The following JCAD variants were observed in gnomAD, a reference collection of about 807,000 sequenced individuals.
JCAD encodes junctional cadherin 5 associated, also known as junctional cadherin 5-associated protein.
Under a neutral mutation model 98.0 loss-of-function variants are expected in JCAD, and 40 were observed. The observed-to-expected ratio is 0.41, with a 90% CI of 0.32 to 0.53. The LOEUF is 0.53. Ranked by LOEUF, JCAD falls within the 20% of genes least tolerant of loss-of-function variation. The pLI is 0.31. For synonymous variants in JCAD, 691 were observed against 682.3 expected (o/e 1.01, Z -0.20); for missense variants, 1,705 against 1,738.1 (o/e 0.98, Z 0.34).
chr10:30,018,438 C>T (rs1220230761), intron 3 of JCAD, among the ~76,000 whole-genome samples: 1 of 152,102 alleles, frequency 6.6e-6, no homozygotes, highest in East Asian at 1.9e-4. Flanking sequence ...TTCTGTCTCT[C>T]ATCACCACTG....
At chr10:30,098,204 T>C (rs1838408600) in intron 1 of JCAD, among the ~76,000 whole-genome samples, 1 of 152,202 alleles carries the variant, frequency 6.6e-6, no homozygotes, top group African/African-American at 2.4e-5. Context: ...TCAGTTTATA[T>C]GACTTCTCCT....
intron 3 of JCAD, among the ~76,000 whole-genome samples, chr10:30,018,888 T>C (rs528770978): frequency 6.6e-5 from 10 of 152,304 alleles, no homozygotes; most frequent in Admixed American, 6.5e-4. Flanking sequence ...AACTACCATA[T>C]GATCCAGCAA....
intron 1 of JCAD, among the ~76,000 whole-genome samples, chr10:30,076,800 G>T (rs1837989005): frequency 6.6e-6 from 1 of 152,206 alleles, no homozygotes; most frequent in African/African-American, 2.4e-5. Flanking sequence ...ATGAAAGTCA[G>T]CATGAAAGCA....
intron 1 of JCAD, among the ~76,000 whole-genome samples, chr10:30,106,201 T>A (rs1039297641): frequency 1.4e-4 from 21 of 152,000 alleles, no homozygotes; most frequent in African/African-American, 4.8e-4. Context: ...GATGGGAGGA[T>A]CACTTGATGC....
At position 30,029,889 on chromosome 10, in the gene JCAD, C is replaced by T. The variant is rs778694634; in HGVS notation, c.282-23G>A. ...AACCTACAAAACAAAGAGTCACAGA[C>T]GTTAGGCACAGAAGAAACATGTCTT... On this transcript the variant is annotated intron_variant, in intron 2 of 3. Coordinates refer to ENST00000375377, the MANE Select transcript of JCAD (RefSeq NM_020848.4). 65 of 1,596,926 alleles carry T rather than the reference C, an allele frequency of 4.1e-5. No individual in the cohort carries two copies. The Admixed American group carries it at 5.6e-4, about 14-fold the overall frequency.
intron 3 of JCAD, among the ~76,000 whole-genome samples, chr10:30,018,525 G>A (rs1034690266): frequency 3.9e-5 from 6 of 152,096 alleles, no homozygotes; most frequent in African/African-American, 4.8e-5. Flanking sequence ...AGGTATGTAC[G>A]AGTCTGGCCC....
chr10:30,029,021 G>A lies in JCAD; in HGVS notation c.1127C>T (p.Pro376Leu), dbSNP rs576082696. ...VCGGHSQQQS[P>L]TEKAGASGQP... Reference sequence around the variant, plus strand: ...ACCGCTGGCCCCAGCCTTCTCGGTCGGAGACTGCTGTTGACTGTGACCGCC... The same window carrying A: ...ACCGCTGGCCCCAGCCTTCTCGGTCAGAGACTGCTGTTGACTGTGACCGCC... Residue 376 changes from proline to leucine, a missense_variant, in exon 3 of 4, where the codon CCG becomes CTG. By Grantham distance (98) the Pro-to-Leu change is moderately conservative. Transcript: ENST00000375377. 68 of 1,614,100 alleles carry A rather than the reference G, an allele frequency of 4.2e-5. No individual in the cohort carries two copies. The African/African-American group carries it at 5.9e-4, about 14-fold the overall frequency.
intron 1 of JCAD, among the ~76,000 whole-genome samples, chr10:30,112,329 A>G (rs1166442799): frequency 6.6e-6 from 1 of 151,772 alleles, no homozygotes; most frequent in Non-Finnish European, 1.5e-5. Context: ...TAAAAAAAAA[A>G]TTAGCTGGGT....
chr10:30,110,318 C>T (rs1003061006), intron 1 of JCAD, among the ~76,000 whole-genome samples: 1 of 151,558 alleles, frequency 6.6e-6, no homozygotes, highest in Admixed American at 6.6e-5. Context: ...TGTATTGGCT[C>T]ACTGATGCAT....
chr10:30,051,866 G>C (rs923981049), intron 1 of JCAD, among the ~76,000 whole-genome samples: 6 of 152,210 alleles, frequency 3.9e-5, no homozygotes, highest in Non-Finnish European at 7.3e-5. Flanking sequence ...CGAGGATAAT[G>C]ATCATTCCAT....
intron 1 of JCAD, among the ~76,000 whole-genome samples, chr10:30,082,872 A>C (rs1359003900): frequency 2.0e-4 from 30 of 149,410 alleles, no homozygotes; most frequent in Admixed American, 2.7e-4. Flanking sequence ...AAAAAAAAAA[A>C]AAAAACAAAA....
intron 1 of JCAD, among the ~76,000 whole-genome samples, chr10:30,096,544 T>A (rs1052229565): frequency 6.6e-6 from 1 of 152,144 alleles, no homozygotes; most frequent in African/African-American, 2.4e-5. Flanking sequence ...CTGAAGTATC[T>A]TCGATCTGTA....
rs1402076323 is a variant in JCAD at position 30,017,715 on chromosome 10, T to C, written c.*168A>G. The C allele has an allele frequency of 2.9e-6, 2 of 679,634 alleles. No individual in the cohort carries two copies. Among genetic ancestry groups the C allele is most frequent in the African/African-American group, 3.6e-5 (2 of 54,956 alleles). 42.1% of individuals were successfully genotyped at this position (679,634 alleles called of 1,614,324 possible). A position where few individuals can be genotyped will look rare whatever the true frequency, so the allele number is the denominator to read the frequency against. On this transcript the variant is annotated 3_prime_UTR_variant, in exon 4 of 4. Transcript: ENST00000375377. ...TTGCTTTATCGCCACAAAGCAATTC[T>C]GAGAGGATGGCAAGTTTCCTAGTGG...
intron 2 of JCAD, among the ~76,000 whole-genome samples, chr10:30,043,012 T>C (rs115261453): frequency 1.3e-5 from 2 of 152,242 alleles, no homozygotes; most frequent in African/African-American, 4.8e-5. Context: ...AAACAATTAC[T>C]GTCTACTCAT....
At chr10:30,108,481 AT>A (rs1357318448) in intron 1 of JCAD, among the ~76,000 whole-genome samples, 4 of 152,182 alleles carry the variant, frequency 2.6e-5, no homozygotes, top group Admixed American at 1.3e-4. Flanking sequence ...GGCGACGAGA[AT>A]TTTATCAGAA....
At chr10:30,092,486 C>T (rs999631121) in intron 1 of JCAD, among the ~76,000 whole-genome samples, 3 of 152,116 alleles carry the variant, frequency 2.0e-5, no homozygotes, top group African/African-American at 7.2e-5. Context: ...CAGAAGCTAG[C>T]AGGCCAATGC....
At chr10:30,063,781 A>T (rs1564460322), upstream of JCAD, among the ~76,000 whole-genome samples, 1 of 151,936 alleles carries the variant, frequency 6.6e-6, no homozygotes, top group East Asian at 1.9e-4. Context: ...TTGAAACTTA[A>T]TCCCCAATGT....
At chr10:30,079,875 G>A (rs984600518) in intron 1 of JCAD, among the ~76,000 whole-genome samples, 24 of 152,108 alleles carry the variant, frequency 1.6e-4, no homozygotes, top group African/African-American at 5.8e-4. Flanking sequence ...AAATAATTTA[G>A]GTCAGGCCTC....
At chr10:30,050,690 G>A (rs1837450282) in intron 1 of JCAD, among the ~76,000 whole-genome samples, 1 of 152,146 alleles carries the variant, frequency 6.6e-6, no homozygotes, top group Non-Finnish European at 1.5e-5. Context: ...GGTCCAATAT[G>A]GTTATGTGTT....
Sources: allele counts gnomAD v4.1 joint callset (sites outside exome capture counted in the v4.1 genomes callset), GRCh38; gene constraint gnomAD v4.1.1; transcripts MANE v1.5; gene names NCBI Gene and HGNC (gene_info 2026-07-23, HGNC 2026-07-21).